Variants in SGIP1 observed in about 807,000 individuals in gnomAD.
SGIP1 encodes the protein SH3GL interacting endocytic adaptor 1.
SGIP1 carries 38 observed loss-of-function variants against 107.5 expected under a neutral mutation model. The ratio of observed to expected loss-of-function variants is 0.35; its 90% CI spans 0.27 to 0.46. The LOEUF (loss-of-function observed/expected upper bound fraction) is 0.46, where lower values mean the gene tolerates loss of function less well. Among genes scored for constraint, SGIP1 ranks in the 20% least tolerant of loss-of-function variants. The pLI, the probability that SGIP1 is intolerant of heterozygous loss-of-function variation, is 1.00. For synonymous variants in SGIP1, 365 were observed against 366.1 expected, an observed-to-expected ratio of 1.00 and a Z score of 0.03; for missense variants, 929 against 1,019.5, an observed-to-expected ratio of 0.91 and a Z score of 1.21.
chr1:66,656,646 A>G (rs1043496761), intron 7 of SGIP1, among the ~76,000 whole-genome samples: 6 of 152,206 alleles, frequency 3.9e-5, no homozygotes, highest in Non-Finnish European at 1.5e-5. Context: ...ATTACTGATT[A>G]TCTTTCTCCT....
At chr1:66,648,503 T>G (rs2078078136) in intron 7 of SGIP1, among the ~76,000 whole-genome samples, 1 of 152,166 alleles carries the variant, frequency 6.6e-6, no homozygotes, top group African/African-American at 2.4e-5. Flanking sequence ...CCCTTCAGCC[T>G]CCTTTGTTCA....
intron 2 of SGIP1, among the ~76,000 whole-genome samples, chr1:66,631,973 C>T (rs2074860528): frequency 6.6e-6 from 1 of 152,164 alleles, no homozygotes; most frequent in Non-Finnish European, 1.5e-5. Context: ...TTTAGTTTCT[C>T]CCTCTGCTCT....
chr1:66,562,218 A>G (rs1463749673), intron 1 of SGIP1, among the ~76,000 whole-genome samples: 1 of 151,952 alleles, frequency 6.6e-6, no homozygotes, highest in Non-Finnish European at 1.5e-5. Flanking sequence ...TTCCTTTGCA[A>G]TTTTGGAGAG....
chr1:66,681,726 C>T, intron 14 of SGIP1, 143 bp from the exon 15 acceptor site: 1 of 773,642 alleles, frequency 1.3e-6, no homozygotes, highest in Non-Finnish European at 2.1e-6. Context: ...GCTCCTAATC[C>T]AATAAAGATA....
At chr1:66,571,175 A>G (rs1327502475) in intron 1 of SGIP1, among the ~76,000 whole-genome samples, 3 of 152,052 alleles carry the variant, frequency 2.0e-5, no homozygotes, top group Admixed American at 6.6e-5. Flanking sequence ...GTAGAAGAAA[A>G]TGTTAAATGA....
chr1:66,592,479 CA>C (rs1344755780), intron 1 of SGIP1, among the ~76,000 whole-genome samples: 1 of 152,198 alleles, frequency 6.6e-6, no homozygotes, highest in Non-Finnish European at 1.5e-5. Context: ...TAGTACAGAA[CA>C]AAATGGAGTT....
At chr1:66,728,192 A>G (rs2093846788) in intron 19 of SGIP1, among the ~76,000 whole-genome samples, 1 of 152,234 alleles carries the variant, frequency 6.6e-6, no homozygotes, top group Admixed American at 6.5e-5. Context: ...TCATGAGTAC[A>G]TAAAACAACA....
intron 1 of SGIP1, among the ~76,000 whole-genome samples, chr1:66,617,267 A>G (rs1475674668): frequency 2.0e-5 from 3 of 152,194 alleles, no homozygotes; most frequent in African/African-American, 7.2e-5. Flanking sequence ...TTTATGAAGC[A>G]TCTCTTATAC....
chr1:66,619,029 T>C (rs894254370), intron 1 of SGIP1, among the ~76,000 whole-genome samples: 4 of 152,302 alleles, frequency 2.6e-5, no homozygotes, highest in African/African-American at 4.8e-5. Context: ...GAGGAACAGA[T>C]TGCATTCCAC....
At chr1:66,729,964 G>A (rs928358558) in intron 20 of SGIP1, among the ~76,000 whole-genome samples, 6 of 152,020 alleles carry the variant, frequency 3.9e-5, no homozygotes, top group Non-Finnish European at 8.8e-5. Flanking sequence ...ACCACACCTG[G>A]CTAATTTTTG....
chr1:66,543,174 G>A (rs191979604), intron 1 of SGIP1, among the ~76,000 whole-genome samples: 1 of 152,316 alleles, frequency 6.6e-6, no homozygotes, highest in East Asian at 1.9e-4. Context: ...TTCTGAGGAA[G>A]AGCGTCATGA....
intron 13 of SGIP1, among the ~76,000 whole-genome samples, chr1:66,679,380 G>A (rs1440418978): frequency 1.3e-5 from 2 of 152,156 alleles, no homozygotes; most frequent in Non-Finnish European, 2.9e-5. Flanking sequence ...ACAGGAGGTA[G>A]GACGTAGTTG....
chr1:66,710,091 A>G (rs1168701214), intron 18 of SGIP1, among the ~76,000 whole-genome samples: 1 of 152,038 alleles, frequency 6.6e-6, no homozygotes. Context: ...TAGTAACTTT[A>G]TTTTGACTTC....
intron 20 of SGIP1, among the ~76,000 whole-genome samples, chr1:66,731,207 G>A (rs1453454549): frequency 6.6e-6 from 1 of 152,144 alleles, no homozygotes; most frequent in African/African-American, 2.4e-5. Context: ...AATGGAAAAA[G>A]TCTCTTAATT....
At chr1:66,702,733 T>C (rs2092076679) in intron 18 of SGIP1, among the ~76,000 whole-genome samples, 1 of 152,218 alleles carries the variant, frequency 6.6e-6, no homozygotes, top group African/African-American at 2.4e-5. Flanking sequence ...CTTCCTCTTA[T>C]GGCCATAATG....
intron 12 of SGIP1, among the ~76,000 whole-genome samples, chr1:66,675,773 A>G (rs764635030): frequency 4.6e-5 from 7 of 151,630 alleles, no homozygotes; most frequent in Non-Finnish European, 1.0e-4. Flanking sequence ...GACTCATGTA[A>G]TCCTCCCACC....
intron 3 of SGIP1, 138 bp from the exon 4 acceptor site, chr1:66,635,806 T>A: frequency 2.5e-6 from 2 of 808,744 alleles, no homozygotes; most frequent in East Asian, 5.3e-5. Flanking sequence ...CTGCCAAGAT[T>A]GGTAGGCCGT....
chr1:66,625,643 T>C (rs1252905405), intron 1 of SGIP1, among the ~76,000 whole-genome samples: 1 of 152,238 alleles, frequency 6.6e-6, no homozygotes, highest in Non-Finnish European at 1.5e-5. Context: ...TAAGAACTTA[T>C]GGTATGAAGT....
rs2057150605 is a variant in SGIP1, at chr1:66,549,969, A to G, written c.10+15601A>G. 2.0e-5 allele frequency among the ~76,000 whole-genome samples: 3 copies of G among 152,258 alleles called. No individual in the cohort carries two copies. In the South Asian group the frequency reaches 6.2e-4, roughly 32 times the overall value. On this transcript the variant is annotated intron_variant, in intron 1 of 24. Coordinates refer to ENST00000371037, the MANE Select transcript of SGIP1 (RefSeq NM_032291.4). ...CTCTGTTGTTCCAGAAGGAAGCAGG[A>G]ATCTTTTAGGGAATTTTCCAAAAGA...
Sources: allele counts gnomAD v4.1 joint callset (sites outside exome capture counted in the v4.1 genomes callset), GRCh38; gene constraint gnomAD v4.1.1; transcripts MANE v1.5; gene names NCBI Gene and HGNC (gene_info 2026-07-23, HGNC 2026-07-21).